CACNA2D3: variants seen among roughly 807,000 people sequenced by gnomAD.
CACNA2D3 encodes voltage-dependent calcium channel subunit alpha-2/delta-3.
A neutral mutation model predicts 160.6 loss-of-function variants in CACNA2D3; 60 were observed. The ratio of observed to expected loss-of-function variants is 0.37; its 90% confidence interval spans 0.30 to 0.46. CACNA2D3 has a LOEUF of 0.46. CACNA2D3 is among the 20% of genes least tolerant of loss of function. The pLI, the probability that CACNA2D3 is intolerant of heterozygous loss-of-function variation, is 1.00. For synonymous variants in CACNA2D3, 558 were observed against 492.9 expected (o/e 1.13, Z -1.75); for missense variants, 1,205 against 1,365.0 (o/e 0.88, Z 1.85).
chr3:54,253,850 C>T (rs750414346), intron 2 of CACNA2D3, among the ~76,000 whole-genome samples: 1 of 152,104 alleles, frequency 6.6e-6, no homozygotes, highest in Non-Finnish European at 1.5e-5. Context: ...TCGCTGCAAC[C>T]TCTGCCACCC....
At chr3:54,285,652 C>T (rs946309697) in intron 2 of CACNA2D3, among the ~76,000 whole-genome samples, 24 of 152,234 alleles carry the variant, frequency 1.6e-4, no homozygotes, top group African/African-American at 5.8e-4. Context: ...TCCCTGACCC[C>T]CGAGCAGCCT....
At chr3:54,491,776 C>T (rs1269905128) in intron 4 of CACNA2D3, among the ~76,000 whole-genome samples, 1 of 152,126 alleles carries the variant, frequency 6.6e-6, no homozygotes, top group Non-Finnish European at 1.5e-5. Flanking sequence ...GACTGTCTGG[C>T]CTGCAAAACC....
At chr3:54,180,764 T>C (rs1292648225) in intron 2 of CACNA2D3, among the ~76,000 whole-genome samples, 1 of 152,262 alleles carries the variant, frequency 6.6e-6, no homozygotes, top group Non-Finnish European at 1.5e-5. Context: ...GCTGATATCC[T>C]GGGATGTACT....
chr3:54,521,767 T>G (rs1289640985), intron 5 of CACNA2D3, among the ~76,000 whole-genome samples: 1 of 152,206 alleles, frequency 6.6e-6, no homozygotes, highest in Non-Finnish European at 1.5e-5. Flanking sequence ...AACCTCATTC[T>G]TTTGCATGTG....
At chr3:54,623,493 A>G (rs1468866366) in intron 9 of CACNA2D3, among the ~76,000 whole-genome samples, 1 of 152,164 alleles carries the variant, frequency 6.6e-6, no homozygotes, top group Non-Finnish European at 1.5e-5. Context: ...GCTTCACTCA[A>G]ATCATATGAA....
chr3:54,953,407 A>G (rs184807477), intron 27 of CACNA2D3, among the ~76,000 whole-genome samples: 12 of 152,284 alleles, frequency 7.9e-5, no homozygotes, highest in African/African-American at 2.4e-4. Flanking sequence ...CTTCTTACCT[A>G]TAGAGGTGAG....
At chr3:55,026,577 C>G (rs1372559683) in intron 35 of CACNA2D3, among the ~76,000 whole-genome samples, 3 of 152,116 alleles carry the variant, frequency 2.0e-5, no homozygotes, top group Non-Finnish European at 4.4e-5. Flanking sequence ...GCACCTAACA[C>G]AATATCACCA....
chr3:54,774,340 A>G (rs769072382), intron 13 of CACNA2D3, among the ~76,000 whole-genome samples: 2 of 152,158 alleles, frequency 1.3e-5, no homozygotes, highest in Non-Finnish European at 2.9e-5. Flanking sequence ...GAAACTTACA[A>G]TCATCGTGGA....
chr3:54,842,788 A>G (rs1285155813), intron 16 of CACNA2D3, among the ~76,000 whole-genome samples: 1 of 150,926 alleles, frequency 6.6e-6, no homozygotes, highest in African/African-American at 2.4e-5. Context: ...TTTAGTAGAG[A>G]TGGGGTTTCA....
intron 11 of CACNA2D3, among the ~76,000 whole-genome samples, chr3:54,650,593 G>A (rs1286664122): frequency 6.6e-6 from 1 of 152,172 alleles, no homozygotes; most frequent in African/African-American, 2.4e-5. Flanking sequence ...TTGAACTTCT[G>A]ACGTCAAGTG....
intron 4 of CACNA2D3, among the ~76,000 whole-genome samples, chr3:54,433,715 T>G (rs1044623065): frequency 1.3e-5 from 2 of 152,186 alleles, no homozygotes; most frequent in African/African-American, 2.4e-5. Flanking sequence ...TCCTTGTTAC[T>G]TCTCACACAT....
intron 3 of CACNA2D3, among the ~76,000 whole-genome samples, chr3:54,376,590 C>T (rs187113413): frequency 6.6e-6 from 1 of 152,246 alleles, no homozygotes; most frequent in East Asian, 1.9e-4. Context: ...TAGCCCACGC[C>T]ACATTATCTA....
intron 11 of CACNA2D3, among the ~76,000 whole-genome samples, chr3:54,666,984 G>T (rs1033660600): frequency 6.6e-6 from 1 of 152,114 alleles, no homozygotes; most frequent in East Asian, 1.9e-4. Flanking sequence ...TGGCTCTAGC[G>T]GTCGATTTTC....
In CACNA2D3 at chr3:54,830,269, A is replaced by G. The variant is rs181077964; in HGVS notation, c.1399-6890A>G. On this transcript the variant is annotated intron_variant, in intron 14 of 37. Coordinates refer to ENST00000474759, the MANE Select transcript of CACNA2D3 (RefSeq NM_018398.3). ...AGATTCTGGTTATCTTAAAGAATCA[A>G]TGGTTCTCTTTTCATAATGTCTCGT... Among the ~76,000 whole-genome samples the G allele has an allele frequency of 3.8e-3, 573 of 151,642 alleles. 4 individuals are homozygous for G. Among genetic ancestry groups the G allele is most frequent in the African/African-American group, 0.012 (502 of 41,374 alleles).
chr3:54,234,660 A>G (rs1247242481), intron 2 of CACNA2D3, among the ~76,000 whole-genome samples: 1 of 152,258 alleles, frequency 6.6e-6, no homozygotes, highest in African/African-American at 2.4e-5. Flanking sequence ...TATATACACC[A>G]TGGAATACTA....
chr3:54,280,264 G>A (rs1281738945), intron 2 of CACNA2D3, among the ~76,000 whole-genome samples: 1 of 152,004 alleles, frequency 6.6e-6, no homozygotes, highest in African/African-American at 2.4e-5. Flanking sequence ...TGCATTTTTA[G>A]TAGAGACGGG....
intron 17 of CACNA2D3, among the ~76,000 whole-genome samples, chr3:54,866,360 AC>A (rs1699400740): frequency 6.6e-6 from 1 of 152,306 alleles, no homozygotes; most frequent in South Asian, 2.1e-4. Context: ...GAGAGAAGAC[AC>A]AGGGCTTCAG....
intron 9 of CACNA2D3, among the ~76,000 whole-genome samples, chr3:54,618,352 C>CATACAT (rs56316245): frequency 0.024 from 2,849 of 119,872 alleles, 139 homozygotes; most frequent in East Asian, 0.1. Flanking sequence ...TTGATACATA[C>CATACAT]ATATATATAT....
At chr3:54,211,877 T>C (rs1701379065) in intron 2 of CACNA2D3, among the ~76,000 whole-genome samples, 1 of 152,168 alleles carries the variant, frequency 6.6e-6, no homozygotes, top group East Asian at 1.9e-4. Context: ...TTTTAGGTTT[T>C]TAGGTATTAG....
Sources: gnomAD v4.1 joint callset for allele counts (sites outside exome capture counted in the v4.1 genomes callset) on GRCh38, gnomAD v4.1.1 for gene constraint, MANE v1.5 for transcripts, NCBI Gene and HGNC (gene_info 2026-07-23, HGNC 2026-07-21) for gene names.